SVOP: variants seen among roughly 807,000 people sequenced by gnomAD.
The protein encoded by SVOP is SV2 related protein.
SVOP carries 17 observed loss-of-function variants against 69.1 expected under a neutral mutation model. The observed-to-expected ratio is 0.25, with a 90% CI of 0.17 to 0.37. The LOEUF (loss-of-function observed/expected upper bound fraction) is 0.37. Among genes scored for constraint, SVOP ranks in the 10% least tolerant of loss-of-function variants. The pLI is 1.00. For missense variants in SVOP, 435 were observed against 597.5 expected (o/e 0.73, Z 2.84); for synonymous variants, 238 against 238.6 (o/e 1.00, Z 0.02).
chr12:108,982,939 C>A (rs2040148386), intron 2 of SVOP, among the ~76,000 whole-genome samples: 1 of 150,544 alleles, frequency 6.6e-6, no homozygotes, highest in African/African-American at 2.5e-5. Flanking sequence ...ATCATCATCA[C>A]CATCACCATC....
intron 2 of SVOP, among the ~76,000 whole-genome samples, chr12:108,981,828 C>G (rs954825617): frequency 3.3e-4 from 50 of 152,286 alleles, no homozygotes; most frequent in African/African-American, 1.2e-3. Flanking sequence ...TACTATCACA[C>G]TATCATCATA....
At chr12:108,934,159 G>A (rs1465482303) in intron 11 of SVOP, 36 bp downstream of exon 11, 2 of 1,559,150 alleles carry the variant, frequency 1.3e-6, no homozygotes, top group Admixed American at 1.9e-5. Flanking sequence ...GAGGGTGTGG[G>A]AGTAGTTAGC....
Position 109,008,506 on chromosome 12 carries a change from T to C in SVOP, c.35+12328A>G, listed in dbSNP as rs984930810. 7.2e-5 allele frequency among the ~76,000 whole-genome samples: 11 copies of C among 152,294 alleles called. No individual in the cohort carries two copies. In the South Asian group the frequency reaches 2.3e-3, roughly 32 times the overall value. ...TTTATTTATTTGCATTTTTCTGCCA[T>C]CCCCGTCAACCTGAATAGCAATGAG... is the stretch of plus-strand genomic sequence containing the variant. On this transcript the variant is annotated intron_variant, in intron 1 of 15. Coordinates refer to ENST00000610966, the MANE Select transcript of SVOP (RefSeq NM_018711.5).
chr12:108,931,010 T>C (rs1164716731), intron 11 of SVOP, among the ~76,000 whole-genome samples: 1 of 152,244 alleles, frequency 6.6e-6, no homozygotes. Context: ...TAACCCCTGT[T>C]TTACGACATT....
chr12:108,994,430 G>C (rs993183292), intron 1 of SVOP, among the ~76,000 whole-genome samples: 1 of 152,126 alleles, frequency 6.6e-6, no homozygotes, highest in Admixed American at 6.6e-5. Flanking sequence ...GGAGGCAGAG[G>C]TTGCAGTGAG....
At chr12:108,931,665 C>G in intron 11 of SVOP, among the ~76,000 whole-genome samples, 1 of 152,050 alleles carries the variant, frequency 6.6e-6, no homozygotes, top group Non-Finnish European at 1.5e-5. Context: ...AACCCCGTCT[C>G]TACTAAAAAA....
chr12:108,965,465 G>A (rs531154466), intron 5 of SVOP, among the ~76,000 whole-genome samples: 2 of 152,276 alleles, frequency 1.3e-5, no homozygotes, highest in East Asian at 1.9e-4. Flanking sequence ...TTTCCCTGTC[G>A]TGTCAGCCTC....
chr12:109,020,196 A>T (rs1300994788), intron 1 of SVOP, among the ~76,000 whole-genome samples: 2 of 152,148 alleles, frequency 1.3e-5, no homozygotes, highest in Non-Finnish European at 2.9e-5. Flanking sequence ...CCATCCTCAA[A>T]GCAGTATATT....
chr12:108,945,198 A>G (rs375255933), intron 6 of SVOP, 32 bp from the exon 7 acceptor site: 1 of 1,535,294 alleles, frequency 6.5e-7, no homozygotes, highest in African/African-American at 1.4e-5. Flanking sequence ...AAAGGGAGTT[A>G]AGATCAGAAC....
At chr12:108,975,889 C>T (rs141130126) in intron 4 of SVOP, among the ~76,000 whole-genome samples, 128,034 of 151,932 alleles carry the variant, frequency 0.84, 54,191 homozygotes, top group East Asian at 1. Flanking sequence ...TTGGTAGAGA[C>T]GGGGTTTCAC....
intron 11 of SVOP, chr12:108,926,546 G>A (rs1566048792): frequency 6.6e-6 from 1 of 152,196 alleles, no homozygotes; most frequent in Non-Finnish European, 1.5e-5. Flanking sequence ...AAGCATGTGT[G>A]AAAGACTTTG....
At chr12:109,003,897 A>G (rs943295131) in intron 1 of SVOP, among the ~76,000 whole-genome samples, 12 of 152,198 alleles carry the variant, frequency 7.9e-5, no homozygotes, top group Non-Finnish European at 1.6e-4. Flanking sequence ...CGTGAGCCAC[A>G]GAGCCCAACC....
chr12:108,915,159 C>T (rs969264775), intron 15 of SVOP, among the ~76,000 whole-genome samples: 29 of 134,210 alleles, frequency 2.2e-4, no homozygotes, highest in African/African-American at 6.5e-4. Context: ...GGTGACAAAG[C>T]GAGACTCCAT....
At chr12:108,984,937 G>C (rs1323477589) in intron 1 of SVOP, among the ~76,000 whole-genome samples, 1 of 152,194 alleles carries the variant, frequency 6.6e-6, no homozygotes, top group Admixed American at 6.6e-5. Context: ...TTTGAGGAAA[G>C]TTTGGGGTGC....
At chr12:108,960,557 T>C (rs2040012378) in intron 6 of SVOP, among the ~76,000 whole-genome samples, 1 of 152,148 alleles carries the variant, frequency 6.6e-6, no homozygotes, top group African/African-American at 2.4e-5. Flanking sequence ...TTCAGACAGA[T>C]GATTTCACTC....
chr12:108,924,495 C>T (rs570177699), intron 11 of SVOP, among the ~76,000 whole-genome samples: 47 of 152,128 alleles, frequency 3.1e-4, no homozygotes, highest in Non-Finnish European at 5.7e-4. Flanking sequence ...TTATACCCTA[C>T]GGCCAACCCA....
intron 7 of SVOP, among the ~76,000 whole-genome samples, chr12:108,941,165 T>C (rs1156621952): frequency 6.6e-6 from 1 of 152,142 alleles, no homozygotes; most frequent in African/African-American, 2.4e-5. Flanking sequence ...GCAGCTTTGG[T>C]TAAGGAGATC....
chr12:108,934,333 A>G lies in SVOP; in HGVS notation c.972-62T>C, dbSNP rs185947929. 7.2e-5 allele frequency: 103 copies of G among 1,430,512 alleles called. No individual in the cohort carries two copies. In the East Asian group the frequency reaches 2.1e-3, roughly 29 times the overall value. The allele number at this position is 1,430,512 out of a possible 1,614,324, so 88.6% of individuals were successfully genotyped here. On this transcript the variant is annotated intron_variant, in intron 10 of 15. Transcript: ENST00000610966. ...AGAGGAACACCAGTCCCCTTTCCCT[A>G]CCCCCTTGGGAAGGGCCAATGTCTA...
At chr12:108,981,327 G>T (rs1193062859) in intron 2 of SVOP, among the ~76,000 whole-genome samples, 1 of 152,190 alleles carries the variant, frequency 6.6e-6, no homozygotes. Flanking sequence ...GTAGAGCCCA[G>T]ATCAGCCTGA....
Sources: allele counts gnomAD v4.1 joint callset (sites outside exome capture counted in the v4.1 genomes callset), GRCh38; gene constraint gnomAD v4.1.1; transcripts MANE v1.5; gene names NCBI Gene and HGNC (gene_info 2026-07-23, HGNC 2026-07-21).